STPG2: variants seen among roughly 807,000 people sequenced by gnomAD.
The protein encoded by STPG2 is sperm-tail PG-rich repeat-containing protein 2.
STPG2 carries 56 observed loss-of-function variants against 54.2 expected under a neutral mutation model. The ratio of observed to expected loss-of-function variants is 1.03; its 90% CI spans 0.83 to 1.29. STPG2 has a LOEUF of 1.29. Ranked by LOEUF, STPG2 falls within the 50% of genes most tolerant of loss-of-function variation. The pLI is 0.00. For synonymous variants in STPG2, 200 were observed against 181.8 expected, an observed-to-expected ratio of 1.10 and a Z score of -0.81; for missense variants, 596 against 544.9, an observed-to-expected ratio of 1.09 and a Z score of -0.93.
intron 4 of STPG2, among the ~76,000 whole-genome samples, chr4:97,542,461 C>T (rs1731736372): frequency 1.3e-5 from 2 of 152,242 alleles, no homozygotes; most frequent in East Asian, 3.9e-4. Context: ...ATTAAAAAGT[C>T]AGGAAACAAC....
At chr4:97,901,311 C>G (rs2149186303) in intron 8 of STPG2, among the ~76,000 whole-genome samples, 1 of 151,834 alleles carries the variant, frequency 6.6e-6, no homozygotes, top group Non-Finnish European at 1.5e-5. Context: ...CCACTTCAAT[C>G]TAGTACTAGA....
chr4:97,528,057 T>C (rs1184853302), intron 4 of STPG2, among the ~76,000 whole-genome samples: 2 of 152,166 alleles, frequency 1.3e-5, no homozygotes, highest in Non-Finnish European at 2.9e-5. Flanking sequence ...GGCATTTTAG[T>C]CATGAAGTCT....
chr4:97,981,036 A>C, intron 6 of STPG2, 123 bp downstream of exon 6: 1 of 976,396 alleles, frequency 1.0e-6, no homozygotes, highest in Non-Finnish European at 1.5e-6. Context: ...AAAAATGTTG[A>C]CTTAAAATGA....
At chr4:97,587,072 T>C (rs1335297373) in intron 10 of STPG2, among the ~76,000 whole-genome samples, 2 of 151,990 alleles carry the variant, frequency 1.3e-5, no homozygotes, top group African/African-American at 2.4e-5. Context: ...AAAACACAAG[T>C]ATCTAGAGAA....
chr4:97,851,882 G>T (rs1323596839), intron 8 of STPG2, among the ~76,000 whole-genome samples: 7 of 152,242 alleles, frequency 4.6e-5, no homozygotes, highest in African/African-American at 1.7e-4. Flanking sequence ...AACAGAAATG[G>T]CCTGTATAAC....
chr4:97,855,764 G>A (rs1416808126), intron 8 of STPG2, among the ~76,000 whole-genome samples: 2 of 152,082 alleles, frequency 1.3e-5, no homozygotes, highest in Non-Finnish European at 2.9e-5. Flanking sequence ...AAATGGTATT[G>A]CCTAAATTTT....
At chr4:97,500,985 T>A (rs1201983912) in intron 4 of STPG2, among the ~76,000 whole-genome samples, 1 of 152,048 alleles carries the variant, frequency 6.6e-6, no homozygotes, top group Non-Finnish European at 1.5e-5. Context: ...CTTTCAAAAC[T>A]ATGGCATGTA....
At chr4:97,526,131 G>A (rs2148849833) in intron 4 of STPG2, among the ~76,000 whole-genome samples, 1 of 152,066 alleles carries the variant, frequency 6.6e-6, no homozygotes, top group East Asian at 1.9e-4. Flanking sequence ...TATACTTCAT[G>A]TAGATTATTA....
At chr4:97,959,718 A>T (rs1287631859) in intron 7 of STPG2, among the ~76,000 whole-genome samples, 3 of 152,040 alleles carry the variant, frequency 2.0e-5, no homozygotes, top group African/African-American at 4.8e-5. Context: ...TTACCAAGAA[A>T]AAAAAAAGTC....
chr4:97,537,590 C>A (rs188976763), intron 4 of STPG2, among the ~76,000 whole-genome samples: 26 of 152,300 alleles, frequency 1.7e-4, no homozygotes, highest in African/African-American at 6.3e-4. Flanking sequence ...AGGAGGCCTG[C>A]CTGCTTCTGT....
intron 4 of STPG2, among the ~76,000 whole-genome samples, chr4:97,513,612 T>C (rs1731017192): frequency 2.0e-5 from 3 of 152,090 alleles, no homozygotes; most frequent in East Asian, 1.9e-4. Flanking sequence ...AGTCCAAATA[T>C]ATACATATGC....
intron 9 of STPG2, among the ~76,000 whole-genome samples, chr4:97,817,208 T>C (rs1257561853): frequency 2.0e-5 from 3 of 149,894 alleles, no homozygotes; most frequent in African/African-American, 7.3e-5. Flanking sequence ...ATGGTGATTA[T>C]ACAGTTGTTA....
intron 5 of STPG2, among the ~76,000 whole-genome samples, chr4:98,058,714 C>T (rs942142971): frequency 6.6e-6 from 1 of 152,088 alleles, no homozygotes; most frequent in Non-Finnish European, 1.5e-5. Flanking sequence ...CCAAATGGAT[C>T]TAGTACATGT....
chr4:97,794,480 C>G (rs1727104619), intron 9 of STPG2, among the ~76,000 whole-genome samples: 1 of 152,072 alleles, frequency 6.6e-6, no homozygotes, highest in Non-Finnish European at 1.5e-5. Flanking sequence ...CACTGACACA[C>G]TAATGGGTTT....
At chr4:97,558,180 T>C (rs78963595), downstream of STPG2, among the ~76,000 whole-genome samples, 4,866 of 152,282 alleles carry the variant, frequency 0.032, 235 homozygotes, top group African/African-American at 0.11. Context: ...TCAGGTTTTT[T>C]CAATAAATAT....
chr4:97,989,956 G>A (rs1734955136), intron 5 of STPG2, among the ~76,000 whole-genome samples: 1 of 152,232 alleles, frequency 6.6e-6, no homozygotes, highest in Non-Finnish European at 1.5e-5. Context: ...TAAAACCACA[G>A]GAGGTGAAGG....
intron 5 of STPG2, among the ~76,000 whole-genome samples, chr4:98,076,088 C>A (rs1738156340): frequency 6.6e-6 from 1 of 151,924 alleles, no homozygotes; most frequent in Non-Finnish European, 1.5e-5. Flanking sequence ...ACTAAAAATA[C>A]AAAAAATTAG....
At chr4:98,034,162 G>T (rs565355372) in intron 5 of STPG2, among the ~76,000 whole-genome samples, 2 of 152,140 alleles carry the variant, frequency 1.3e-5, no homozygotes, top group African/African-American at 2.4e-5. Context: ...AACTCAAATT[G>T]TCTCTGTTTG....
At chr4:97,930,412 A>G (rs1732499901) in intron 8 of STPG2, among the ~76,000 whole-genome samples, 1 of 152,170 alleles carries the variant, frequency 6.6e-6, no homozygotes, top group African/African-American at 2.4e-5. Context: ...CAGTTATGCT[A>G]GTGTCATTTA....
Sources: allele counts gnomAD v4.1 joint callset (sites outside exome capture counted in the v4.1 genomes callset), GRCh38; gene constraint gnomAD v4.1.1; transcripts MANE v1.5; gene names NCBI Gene and HGNC (gene_info 2026-07-23, HGNC 2026-07-21).